NFIX: variants seen among roughly 807,000 people sequenced by gnomAD.
The protein encoded by NFIX is nuclear factor 1 X-type.
In NFIX, 2 loss-of-function variants were observed where a neutral mutation model predicts 53.3. The ratio of observed to expected loss-of-function variants is 0.04; its 90% confidence interval spans 0.02 to 0.12. The LOEUF (loss-of-function observed/expected upper bound fraction) is 0.12. Ranked by LOEUF, NFIX falls within the 10% of genes least tolerant of loss-of-function variation. NFIX has a pLI of 1.00. For missense variants in NFIX, 310 were observed against 674.5 expected (o/e 0.46, Z 5.99); for synonymous variants, 244 against 289.0 (o/e 0.84, Z 1.58).
rs75783493 is a variant in NFIX, at chr19:13,001,454, C to T, written c.27+5590C>T. On this transcript the variant is annotated intron_variant, in intron 1 of 10. Coordinates refer to ENST00000592199, the MANE Select transcript of NFIX (RefSeq NM_001365902.3). This position sits in a 1 kb window ranked among gnomAD's most constrained non-coding sequence, Gnocchi z 6.5. ...TGTGCCGGATGTAGTCTCTGTGTCA[C>T]GGTGGCGCTGCGCACGTCAACGGGT... 0.11 allele frequency among the ~76,000 whole-genome samples: 17,306 copies of T among 152,076 alleles called. 1,272 individuals are homozygous for T. The highest frequency in any genetic ancestry group is 0.16 in the Non-Finnish European group (10,632 of 67,962).
Position 13,051,275 on chromosome 19 carries a change from C to T in NFIX, c.560-21772C>T, listed in dbSNP as rs1006407075. 6.6e-6 allele frequency among the ~76,000 whole-genome samples: 1 copy of T among 152,268 alleles called. No individual in the cohort carries two copies. Among genetic ancestry groups the T allele is most frequent in the South Asian group, 2.1e-4 (1 of 4,818 alleles). ...ACTCAGCTCTGGCTTTGCCAGGTGG[C>T]CCAGGGTAGGGGGATGCCTCAGGTG... On this transcript the variant is annotated intron_variant, in intron 2 of 10. Coordinates refer to ENST00000592199, the MANE Select transcript of NFIX (RefSeq NM_001365902.3). The surrounding 1 kb of genome is among the most constrained non-coding windows in gnomAD (Gnocchi z 5.1).
intron 2 of NFIX, among the ~76,000 whole-genome samples, chr19:13,059,262 C>A (rs1355194166): frequency 6.6e-6 from 1 of 152,212 alleles, no homozygotes; most frequent in Non-Finnish European, 1.5e-5. Context: ...TAATTCCAGC[C>A]GCTGCTGCTC....
intron 2 of NFIX, among the ~76,000 whole-genome samples, chr19:13,055,939 C>T (rs149150985): frequency 7.2e-5 from 11 of 152,346 alleles, no homozygotes; most frequent in African/African-American, 2.6e-4. Context: ...GGTGACCCCC[C>T]AGTCGCCCCT....
Position 13,043,750 on chromosome 19 carries a change from C to G in NFIX, c.559+18198C>G, listed in dbSNP as rs1326626421. Reference sequence around the variant, plus strand: ...CCCCAAGTCCCTGTGTGTAAGTGAGCATGCTCTCATCAGACTTGGTCCCCA... The same window carrying G: ...CCCCAAGTCCCTGTGTGTAAGTGAGGATGCTCTCATCAGACTTGGTCCCCA... On this transcript the variant is annotated intron_variant, in intron 2 of 10. Transcript: ENST00000592199. This position sits in a 1 kb window ranked among gnomAD's most constrained non-coding sequence, Gnocchi z 4.0. Among the ~76,000 whole-genome samples, 1 of 152,212 alleles carries G rather than the reference C, an allele frequency of 6.6e-6. No homozygotes were observed. The highest frequency in any genetic ancestry group is 1.5e-5 in the Non-Finnish European group (1 of 68,040).
At chr19:13,046,023 C>T (rs1411606939) in intron 2 of NFIX, among the ~76,000 whole-genome samples, 2 of 152,218 alleles carry the variant, frequency 1.3e-5, no homozygotes, top group African/African-American at 2.4e-5. Flanking sequence ...CACATCTGGC[C>T]TGGTTTCTGC....
Position 13,021,241 on chromosome 19 carries a change from C to T in NFIX, c.28-3780C>T, listed in dbSNP as rs1283856078. On this transcript the variant is annotated intron_variant, in intron 1 of 10. Transcript: ENST00000592199. This position sits in a 1 kb window ranked among gnomAD's most constrained non-coding sequence, Gnocchi z 4.2. Reference sequence around the variant, plus strand: ...TTAACATGATGTGAATTATTGGACACCACCCTAAGAGGCCTGTCTCTGATA... The same window carrying T: ...TTAACATGATGTGAATTATTGGACATCACCCTAAGAGGCCTGTCTCTGATA... Among the ~76,000 whole-genome samples, 2 of 152,088 alleles carry T rather than the reference C, an allele frequency of 1.3e-5. No homozygotes were observed. Among genetic ancestry groups the T allele is most frequent in the African/African-American group, 2.4e-5 (1 of 41,394 alleles).
intron 8 of NFIX, among the ~76,000 whole-genome samples, chr19:13,087,492 G>A (rs1008419467): frequency 6.6e-6 from 1 of 152,094 alleles, no homozygotes; most frequent in African/African-American, 2.4e-5. Flanking sequence ...GACATGTTGT[G>A]GGGTGGGTGC....
chr19:13,074,118 C>G (rs1335084191), intron 5 of NFIX, 92 bp downstream of exon 5: 1 of 1,518,618 alleles, frequency 6.6e-7, no homozygotes, highest in Non-Finnish European at 9.0e-7. Context: ...GTCACTGAGG[C>G]TAGGGTGCTT....
At position 13,073,363 on chromosome 19, in the gene NFIX, A is replaced by G; in HGVS notation, c.623-59A>G. Reference sequence around the variant, plus strand: ...GCAACAGTGTGGAAGACCTTTGGAAATAGCCAGGCAGCCCCCTTCTGGCCT... The same window carrying G: ...GCAACAGTGTGGAAGACCTTTGGAAGTAGCCAGGCAGCCCCCTTCTGGCCT... On this transcript the variant is annotated intron_variant, in intron 3 of 10. Transcript: ENST00000592199. The surrounding 1 kb of genome is among the most constrained non-coding windows in gnomAD (Gnocchi z 4.5). 2 of 1,430,298 alleles carry G rather than the reference A, an allele frequency of 1.4e-6. No homozygotes were observed. Among genetic ancestry groups the G allele is most frequent in the Non-Finnish European group, 2.0e-6 (2 of 1,012,358 alleles). 88.6% of individuals were successfully genotyped at this position (1,430,298 alleles called of 1,614,324 possible).
Position 13,090,464 on chromosome 19 carries a change from G to A in NFIX, c.1494+74G>A, listed in dbSNP as rs1030843600. 6.4e-6 allele frequency: 9 copies of A among 1,407,456 alleles called. No homozygotes were observed. In the Admixed American group the frequency reaches 1.5e-4, roughly 24 times the overall value. 87.2% of individuals were successfully genotyped at this position (1,407,456 alleles called of 1,614,324 possible). ...AGGGTTGGGGGGCATCTTGGTGTTA[G>A]GGAAGAGCCTGGAGTCCTTGGGGCT... On this transcript the variant is annotated intron_variant, in intron 10 of 10. Transcript: ENST00000592199. The surrounding 1 kb of genome is among the most constrained non-coding windows in gnomAD (Gnocchi z 6.6).
rs558930904 is a variant in NFIX at position 13,001,307 on chromosome 19, C to T, written c.27+5443C>T. Among the ~76,000 whole-genome samples the T allele has an allele frequency of 6.6e-6, 1 of 152,210 alleles. No individual in the cohort carries two copies. The highest frequency in any genetic ancestry group is 1.9e-4 in the East Asian group (1 of 5,192). ...TCTGCCCGGGTCCCTCTCCATGCCT[C>T]TCCATGTCTCCCAGCGTCCATCACT... On this transcript the variant is annotated intron_variant, in intron 1 of 10. Transcript: ENST00000592199. This position sits in a 1 kb window ranked among gnomAD's most constrained non-coding sequence, Gnocchi z 6.5.
chr19:13,019,712 GT>G (rs34286064), intron 1 of NFIX, among the ~76,000 whole-genome samples: 42,515 of 137,838 alleles, frequency 0.31, 6,925 homozygotes, highest in East Asian at 0.62. Context: ...ACTGTTGCTG[GT>G]TTTTTTTTTG....
rs1314686086 is a variant in NFIX at position 13,012,858 on chromosome 19, G to T, written c.28-12163G>T. Among the ~76,000 whole-genome samples the T allele has an allele frequency of 6.6e-6, 1 of 152,128 alleles. No homozygotes were observed. The highest frequency in any genetic ancestry group is 1.9e-4 in the East Asian group (1 of 5,186). On this transcript the variant is annotated intron_variant, in intron 1 of 10. Coordinates refer to ENST00000592199, the MANE Select transcript of NFIX (RefSeq NM_001365902.3). The surrounding 1 kb of genome is among the most constrained non-coding windows in gnomAD (Gnocchi z 5.0). ...TCTAGACTACCCCGGTTTCCGAGGA[G>T]CCTCACCTTCAATCCCCGAGCCTTC...
intron 6 of NFIX, among the ~76,000 whole-genome samples, chr19:13,077,378 T>C (rs1311673133): frequency 6.6e-6 from 1 of 152,186 alleles, no homozygotes; most frequent in Non-Finnish European, 1.5e-5. Context: ...CCGCTGTGTG[T>C]TGTTTTCATG....
At chr19:13,026,260 G>A (rs2013338291) in intron 2 of NFIX, among the ~76,000 whole-genome samples, 1 of 152,138 alleles carries the variant, frequency 6.6e-6, no homozygotes, top group Non-Finnish European at 1.5e-5. Flanking sequence ...AAAGTGGCAA[G>A]GCCTCAGGAT....
chr19:13,046,778 G>A lies in NFIX; in HGVS notation c.559+21226G>A, dbSNP rs2015016317. On this transcript the variant is annotated intron_variant, in intron 2 of 10. Transcript: ENST00000592199. Reference sequence around the variant, plus strand: ...AGCATGTGAATGTCAGGAGCAGAGAGAAAGGGAAGGGAAGAAGAAGGGAGG... The same window carrying A: ...AGCATGTGAATGTCAGGAGCAGAGAAAAAGGGAAGGGAAGAAGAAGGGAGG... 2.0e-5 allele frequency among the ~76,000 whole-genome samples: 3 copies of A among 152,230 alleles called. No individual in the cohort carries two copies. The South Asian group carries it at 6.2e-4, about 32-fold the overall frequency.
Position 13,072,756 on chromosome 19 carries a change from T to C in NFIX, c.560-291T>C, listed in dbSNP as rs2016842492. ...TCATCTAGTGGGTGGAGGCCAGGGA[T>C]GCTGCTCAGATACCCCACAGTGCAC... On this transcript the variant is annotated intron_variant, in intron 2 of 10. Coordinates refer to ENST00000592199, the MANE Select transcript of NFIX (RefSeq NM_001365902.3). The surrounding 1 kb of genome is among the most constrained non-coding windows in gnomAD (Gnocchi z 4.0). Among the ~76,000 whole-genome samples, 1 of 152,178 alleles carries C rather than the reference T, an allele frequency of 6.6e-6. No individual in the cohort carries two copies. The highest frequency in any genetic ancestry group is 1.9e-4 in the East Asian group (1 of 5,192).
intron 1 of NFIX, among the ~76,000 whole-genome samples, chr19:13,007,179 TC>T (rs938361397): frequency 1.1e-4 from 16 of 145,188 alleles, no homozygotes; most frequent in African/African-American, 2.6e-4. Flanking sequence ...CTCTTCCCCC[TC>T]CCCCCCCATA....
At chr19:13,055,562 C>T (rs544378290) in intron 2 of NFIX, among the ~76,000 whole-genome samples, 22 of 152,326 alleles carry the variant, frequency 1.4e-4, no homozygotes, top group African/African-American at 4.8e-4. Flanking sequence ...CCGCCCCTCA[C>T]GGGGCCTCGG....
Sources: gnomAD v4.1 joint callset for allele counts (sites outside exome capture counted in the v4.1 genomes callset) on GRCh38, gnomAD v4.1.1 for gene constraint, Gnocchi (gnomAD v3.1) non-coding constraint, MANE v1.5 for transcripts, NCBI Gene and HGNC (gene_info 2026-07-23, HGNC 2026-07-21) for gene names.